The following ZC3H3 variants were observed in gnomAD, a reference collection of about 807,000 sequenced individuals.
ZC3H3 encodes the protein zinc finger CCCH domain-containing protein 3.
ZC3H3 carries 36 observed loss-of-function variants against 77.3 expected under a neutral mutation model. The observed-to-expected ratio is 0.47, with a 90% CI of 0.36 to 0.61. ZC3H3 has a LOEUF of 0.61. Ranked by LOEUF, ZC3H3 falls within the 20% of genes least tolerant of loss-of-function variation. The pLI is 0.00. For missense variants in ZC3H3, 1,331 were observed against 1,312.2 expected (o/e 1.01, Z -0.22); for synonymous variants, 626 against 555.2 (o/e 1.13, Z -1.79).
chr8:143,540,087 G>A (rs766786019), intron 1 of ZC3H3, among the ~76,000 whole-genome samples: 1 of 152,270 alleles, frequency 6.6e-6, no homozygotes, highest in East Asian at 1.9e-4. Flanking sequence ...CAGAGCAGGT[G>A]TGATGGGAGC....
intron 4 of ZC3H3, among the ~76,000 whole-genome samples, chr8:143,506,500 T>C (rs1821700935): frequency 6.6e-6 from 1 of 152,108 alleles, no homozygotes; most frequent in African/African-American, 2.4e-5. Flanking sequence ...TAGATCCACT[T>C]AGCAATGTGA....
At chr8:143,515,210 G>A (rs536217911) in intron 3 of ZC3H3, among the ~76,000 whole-genome samples, 10 of 152,262 alleles carry the variant, frequency 6.6e-5, no homozygotes, top group Non-Finnish European at 8.8e-5. Flanking sequence ...CCACACATGG[G>A]CAGTTCCCAG....
chr8:143,463,076 C>T (rs1383862072), intron 9 of ZC3H3, among the ~76,000 whole-genome samples: 5 of 152,002 alleles, frequency 3.3e-5, no homozygotes, highest in African/African-American at 1.2e-4. Context: ...CTCCACCTCC[C>T]GGGTTCCAGC....
In ZC3H3 at chr8:143,536,356, G is replaced by A; in HGVS notation, c.1462C>T (p.Pro488Ser). ...RRQALRGKSS[P>S]VLKKTPNKGL... ...TTGTTGGGGGTCTTCTTCAGGACAG[G>A]GCTGCTCTTCCCCCTGAGGGCCTGT... Residue 488 changes from proline (P) to serine (S), a missense_variant, in exon 3 of 12, where the codon CCT becomes TCT. Coordinates refer to ENST00000262577, the MANE Select transcript of ZC3H3 (RefSeq NM_015117.3). The A allele has an allele frequency of 6.2e-7, 1 of 1,605,362 alleles. No homozygotes were observed. The highest frequency in any genetic ancestry group is 8.5e-7 in the Non-Finnish European group (1 of 1,176,252).
At chr8:143,525,332 A>G (rs1040778431) in intron 3 of ZC3H3, among the ~76,000 whole-genome samples, 9 of 152,236 alleles carry the variant, frequency 5.9e-5, no homozygotes, top group African/African-American at 2.2e-4. Flanking sequence ...GAGGGCCCTG[A>G]GGGGTGGCAG....
intron 5 of ZC3H3, among the ~76,000 whole-genome samples, chr8:143,472,593 G>A (rs1238783562): frequency 6.6e-6 from 1 of 152,192 alleles, no homozygotes; most frequent in Non-Finnish European, 1.5e-5. Context: ...AGGGGGCCAA[G>A]TGCAAACCTG....
At chr8:143,443,276 C>A (rs10113306) in intron 9 of ZC3H3, among the ~76,000 whole-genome samples, 179 of 139,524 alleles carry the variant, frequency 1.3e-3, no homozygotes, top group African/African-American at 4.7e-3. Flanking sequence ...CAGAGTGAGA[C>A]CCTGTCTCAA....
chr8:143,475,649 T>C (rs1423736888), intron 4 of ZC3H3, 64 bp from the exon 5 acceptor site: 1 of 1,482,752 alleles, frequency 6.7e-7, no homozygotes, highest in Non-Finnish European at 9.0e-7. Flanking sequence ...TGATGGTCAG[T>C]GCCAGGGGCC....
intron 9 of ZC3H3, among the ~76,000 whole-genome samples, chr8:143,447,144 C>A (rs1586873776): frequency 6.6e-6 from 1 of 152,230 alleles, no homozygotes; most frequent in South Asian, 2.1e-4. Flanking sequence ...CTGATTCAGC[C>A]CAGGGCCTGA....
rs535406758 is a variant in ZC3H3 at position 143,473,351 on chromosome 8, G to C, written c.1903+2047C>G. On this transcript the variant is annotated intron_variant, in intron 5 of 11. Transcript: ENST00000262577. The stretch of plus-strand genomic sequence containing the variant: ...TCTCAGTTTTCAGCTCATGAGAAAG[G>C]CCTCCCTGACCACCTGACTGGACAC... Among the ~76,000 whole-genome samples the C allele has an allele frequency of 9.9e-5, 15 of 152,282 alleles. No individual in the cohort carries two copies. The East Asian group carries it at 2.5e-3, about 25-fold the overall frequency.
At chr8:143,528,486 A>G (rs1343810637) in intron 3 of ZC3H3, among the ~76,000 whole-genome samples, 1 of 152,198 alleles carries the variant, frequency 6.6e-6, no homozygotes, top group East Asian at 1.9e-4. Context: ...CCAGGCTCAG[A>G]AAGGCCTCCC....
intron 4 of ZC3H3, among the ~76,000 whole-genome samples, chr8:143,496,375 C>T (rs1247842245): frequency 6.6e-6 from 1 of 152,208 alleles, no homozygotes; most frequent in Non-Finnish European, 1.5e-5. Flanking sequence ...CAGCTGACTC[C>T]ACGGTGAGCC....
chr8:143,508,239 G>A (rs1007460052), intron 3 of ZC3H3, among the ~76,000 whole-genome samples: 6 of 152,230 alleles, frequency 3.9e-5, no homozygotes, highest in Non-Finnish European at 7.3e-5. Flanking sequence ...CCCCTAGACA[G>A]TATCCGCAAC....
At chr8:143,532,991 C>G (rs1470262724) in intron 3 of ZC3H3, among the ~76,000 whole-genome samples, 3 of 152,190 alleles carry the variant, frequency 2.0e-5, no homozygotes, top group African/African-American at 7.2e-5. Context: ...AGCCTGCGGA[C>G]TCCGCTCCTT....
intron 9 of ZC3H3, among the ~76,000 whole-genome samples, chr8:143,451,795 A>G (rs994457178): frequency 4.0e-5 from 6 of 149,770 alleles, no homozygotes; most frequent in South Asian, 2.1e-4. Flanking sequence ...AAAAAAAAAA[A>G]AAAGAAAAGA....
At chr8:143,506,605 A>T (rs1368317912) in intron 4 of ZC3H3, among the ~76,000 whole-genome samples, 1 of 152,238 alleles carries the variant, frequency 6.6e-6, no homozygotes, top group Non-Finnish European at 1.5e-5. Flanking sequence ...GATGCTTATA[A>T]ATCTATTTAA....
At chr8:143,495,061 T>C (rs543475292) in intron 4 of ZC3H3, among the ~76,000 whole-genome samples, 1 of 152,326 alleles carries the variant, frequency 6.6e-6, no homozygotes, top group South Asian at 2.1e-4. Flanking sequence ...AGTCAGCAGA[T>C]GTCTTACGTC....
intron 9 of ZC3H3, among the ~76,000 whole-genome samples, chr8:143,444,035 C>A (rs1032110322): frequency 3.3e-5 from 5 of 150,024 alleles, no homozygotes; most frequent in Admixed American, 2.0e-4. Flanking sequence ...AGTGCAGTGG[C>A]ACGATCTCGG....
chr8:143,539,103 G>A lies in ZC3H3; in HGVS notation c.264C>T (p.Ala88=), dbSNP rs372924588. ...CGTGCAACGGCCGCACAGCATGGTC[G>A]GCAGGAGGGTCTGAGGGTCCCGGGG... ...NRPPGPSDPP[A]DHAVRPLHGA... The change falls in exon 2 of 12, where the codon GCC becomes GCT. Residue 88 remains alanine, a synonymous_variant. Transcript: ENST00000262577. 52 of 1,612,742 alleles carry A rather than the reference G, an allele frequency of 3.2e-5. No homozygotes were observed. The East Asian group carries it at 3.6e-4, about 11-fold the overall frequency.
Sources: allele counts gnomAD v4.1 joint callset (sites outside exome capture counted in the v4.1 genomes callset), GRCh38; gene constraint gnomAD v4.1.1; transcripts MANE v1.5; gene names NCBI Gene and HGNC (gene_info 2026-07-23, HGNC 2026-07-21).